DPP6: variants seen among roughly 807,000 people sequenced by gnomAD.
DPP6 encodes the protein dipeptidyl peptidase like 6.
Under a neutral mutation model 122.6 loss-of-function variants are expected in DPP6, and 69 were observed. The ratio of observed to expected loss-of-function variants is 0.56; its 90% CI spans 0.46 to 0.69. The LOEUF is 0.69. Ranked by LOEUF, DPP6 falls within the 30% of genes least tolerant of loss-of-function variation. DPP6 has a pLI of 0.00. For missense variants in DPP6, 928 were observed against 1,116.9 expected (o/e 0.83, Z 2.41); for synonymous variants, 418 against 433.1 (o/e 0.97, Z 0.43).
chr7:154,642,383 A>G (rs1270985816), intron 6 of DPP6, among the ~76,000 whole-genome samples: 1 of 151,192 alleles, frequency 6.6e-6, no homozygotes. Flanking sequence ...ACCTGAGGTC[A>G]GGAGTTTGAG....
chr7:153,761,104 C>T, the DPP6 span, among the ~76,000 whole-genome samples: 2 of 152,168 alleles, frequency 1.3e-5, no homozygotes, highest in East Asian at 1.9e-4. Flanking sequence ...ATTTACTCCC[C>T]ATCTATCAGA....
intron 1 of DPP6, among the ~76,000 whole-genome samples, chr7:153,938,871 TGTG>T: frequency 6.6e-6 from 1 of 152,316 alleles, no homozygotes; most frequent in South Asian, 2.1e-4. Flanking sequence ...GTCTCATCAG[TGTG>T]GTGGTGGTTA....
chr7:154,635,262 A>G (rs1586779230), intron 5 of DPP6, among the ~76,000 whole-genome samples: 2 of 152,176 alleles, frequency 1.3e-5, no homozygotes, highest in African/African-American at 4.8e-5. Context: ...TACGTGCTCC[A>G]TAAATGCCAC....
At chr7:153,963,662 C>T (rs1585097707) in intron 1 of DPP6, among the ~76,000 whole-genome samples, 1 of 152,160 alleles carries the variant, frequency 6.6e-6, no homozygotes. Flanking sequence ...ATTCGATTCT[C>T]ATAGGAGTGG....
chr7:153,953,577 GC>G (rs989310778), intron 1 of DPP6, among the ~76,000 whole-genome samples: 1 of 152,156 alleles, frequency 6.6e-6, no homozygotes, highest in Non-Finnish European at 1.5e-5. Flanking sequence ...ATGGGCCTGG[GC>G]AAGTCGGTGA....
intron 1 of DPP6, among the ~76,000 whole-genome samples, chr7:154,404,582 A>G (rs13226909): frequency 0.55 from 83,856 of 152,136 alleles, 26,612 homozygotes; most frequent in Non-Finnish European, 0.69. Context: ...GAAAGAGAAA[A>G]TAGGAATGAT....
intron 1 of DPP6, among the ~76,000 whole-genome samples, chr7:154,082,318 T>C (rs963376862): frequency 6.6e-6 from 1 of 152,180 alleles, no homozygotes; most frequent in African/African-American, 2.4e-5. Context: ...AGGGGTTGTT[T>C]TGTTATTCTC....
intron 4 of DPP6, among the ~76,000 whole-genome samples, chr7:154,558,026 C>T (rs183652202): frequency 6.6e-6 from 1 of 152,096 alleles, no homozygotes; most frequent in Non-Finnish European, 1.5e-5. Flanking sequence ...TATACACGTG[C>T]CACAGTGGTT....
intron 8 of DPP6, among the ~76,000 whole-genome samples, chr7:154,768,618 T>C (rs1278743604): frequency 1.3e-5 from 2 of 152,170 alleles, no homozygotes; most frequent in Non-Finnish European, 2.9e-5. Context: ...CCCAACGTGT[T>C]GAAAAAAACG....
At chr7:154,882,682 C>T (rs1467234213) in intron 21 of DPP6, among the ~76,000 whole-genome samples, 1 of 150,584 alleles carries the variant, frequency 6.6e-6, no homozygotes, top group East Asian at 2.0e-4. Context: ...ACCGAAAATC[C>T]CCCCTGCAGA....
At chr7:153,944,033 T>C (rs1390732050) in intron 1 of DPP6, among the ~76,000 whole-genome samples, 2 of 152,192 alleles carry the variant, frequency 1.3e-5, no homozygotes, top group Admixed American at 6.5e-5. Context: ...ATCTGCTGTG[T>C]TCATGGAAAT....
At chr7:154,313,949 A>G (rs1321307002) in intron 1 of DPP6, among the ~76,000 whole-genome samples, 1 of 151,702 alleles carries the variant, frequency 6.6e-6, no homozygotes, top group African/African-American at 2.4e-5. Context: ...GAGATTAACC[A>G]ATAAGAGAAC....
intron 4 of DPP6, among the ~76,000 whole-genome samples, chr7:154,556,674 T>A (rs10952493): frequency 0.63 from 96,228 of 152,072 alleles, 30,777 homozygotes; most frequent in Admixed American, 0.69. Flanking sequence ...TTGCCATATA[T>A]GATTTTAAAT....
At chr7:153,904,001 G>A (rs1253678531) in intron 1 of DPP6, among the ~76,000 whole-genome samples, 1 of 152,162 alleles carries the variant, frequency 6.6e-6, no homozygotes, top group African/African-American at 2.4e-5. Flanking sequence ...AAGCAAAGGA[G>A]CAGGTGGGAA....
rs60394462 is a variant in DPP6, at chr7:154,569,731, T to TAA, written c.627+2829_627+2830dup. Among the ~76,000 whole-genome samples, 95 of 142,376 alleles carry TAA rather than the reference T, an allele frequency of 6.7e-4. 2 individuals are homozygous for TAA. In the East Asian group the frequency reaches 0.011, roughly 16 times the overall value. 93.4% of individuals were successfully genotyped at this position (142,376 alleles called of 152,430 possible). A position where few individuals can be genotyped will look rare whatever the true frequency, so the allele number is the denominator to read the frequency against. On this transcript the variant is annotated intron_variant, in intron 5 of 25. Transcript: ENST00000377770. ...TTGGTATATTGGGTTACCACTGCAC[T>TAA]AAAAAAAAAAAAAAATCCTACTATC...
At chr7:154,537,556 G>A (rs553509141) in intron 3 of DPP6, among the ~76,000 whole-genome samples, 2 of 152,104 alleles carry the variant, frequency 1.3e-5, no homozygotes, top group African/African-American at 4.8e-5. Flanking sequence ...TCAGCGTGGT[G>A]GTGCAAGCTT....
intron 1 of DPP6, among the ~76,000 whole-genome samples, chr7:154,329,995 C>T (rs1808776992): frequency 6.6e-6 from 1 of 152,086 alleles, no homozygotes; most frequent in African/African-American, 2.4e-5. Flanking sequence ...ACATGGACGA[C>T]ACAGGGAGGG....
the DPP6 span, among the ~76,000 whole-genome samples, chr7:153,878,663 T>A: frequency 6.6e-6 from 1 of 152,244 alleles, no homozygotes; most frequent in South Asian, 2.1e-4. Context: ...GAGACACCGC[T>A]TATCTTGTAT....
At chr7:153,858,704 G>T in the DPP6 span, among the ~76,000 whole-genome samples, 3 of 152,288 alleles carry the variant, frequency 2.0e-5, no homozygotes, top group African/African-American at 4.8e-5. Context: ...CTGCTTCACA[G>T]ACCTTTTTTT....
Sources: allele counts gnomAD v4.1 joint callset (sites outside exome capture counted in the v4.1 genomes callset), GRCh38; gene constraint gnomAD v4.1.1; transcripts MANE v1.5; gene names NCBI Gene and HGNC (gene_info 2026-07-23, HGNC 2026-07-21).